The following DCP1A variants were observed in gnomAD, a reference collection of about 807,000 sequenced individuals.
DCP1A encodes decapping mRNA 1A, also known as mRNA-decapping enzyme 1A.
In DCP1A, 20 loss-of-function variants were observed where a neutral mutation model predicts 58.0. The observed-to-expected ratio is 0.34, with a 90% confidence interval of 0.24 to 0.50. The LOEUF is 0.50. DCP1A is among the 20% of genes least tolerant of loss of function. The pLI is 0.98. For synonymous variants in DCP1A, 285 were observed against 275.1 expected (o/e 1.04, Z -0.36); for missense variants, 613 against 712.2 (o/e 0.86, Z 1.59).
chr3:53,288,492 T>C (rs1706729904), intron 8 of DCP1A: 1 of 574,648 alleles, frequency 1.7e-6, no homozygotes, highest in African/African-American at 1.9e-5. Flanking sequence ...CCAGCCCATT[T>C]ATGTAAGAAT....
chr3:53,294,283 C>G (rs1181684750), intron 6 of DCP1A, among the ~76,000 whole-genome samples: 3 of 152,104 alleles, frequency 2.0e-5, no homozygotes, highest in Non-Finnish European at 4.4e-5. Context: ...AGAGTCTGGA[C>G]TAAGATACTG....
intron 6 of DCP1A, 108 bp downstream of exon 6, chr3:53,304,069 C>T (rs1434091985): frequency 3.9e-6 from 3 of 767,216 alleles, no homozygotes; most frequent in African/African-American, 3.5e-5. Context: ...TGTTGCTGCA[C>T]ATTTGAACCT....
intron 6 of DCP1A, among the ~76,000 whole-genome samples, chr3:53,301,676 C>A (rs1026324428): frequency 6.6e-6 from 1 of 152,022 alleles, no homozygotes; most frequent in African/African-American, 2.4e-5. Flanking sequence ...TTTGTAATAA[C>A]CCAAAACTGA....
chr3:53,288,062 T>C lies in DCP1A; in HGVS notation c.1668+3A>G, dbSNP rs1706710163. ...TCAAAGATAAAATTGGTATCCTACA[T>C]ACCTTTATTAGATGTATTAATGTAT... On this transcript the variant is annotated splice_donor_region_variant and intron_variant, in intron 9 of 9. Coordinates refer to ENST00000610213, the MANE Select transcript of DCP1A (RefSeq NM_018403.7). The C allele has an allele frequency of 6.2e-7, 1 of 1,609,886 alleles. No individual in the cohort carries two copies. The highest frequency in any genetic ancestry group is 1.7e-5 in the Admixed American group (1 of 59,952).
chr3:53,347,494 C>T lies in DCP1A; in HGVS notation c.24G>A (p.Gly8=). 1 of 1,612,806 alleles carries T rather than the reference C, an allele frequency of 6.2e-7. No individual in the cohort carries two copies. Among genetic ancestry groups the T allele is most frequent in the Non-Finnish European group, 8.5e-7 (1 of 1,179,220 alleles). Residue 8 remains glycine, a synonymous_variant, in exon 1 of 10, where the codon GGG becomes GGA. Coordinates refer to ENST00000610213, the MANE Select transcript of DCP1A (RefSeq NM_018403.7). ...TCAGGGCCGCTAGGCTCATCTCCTG[C>T]CCAGCTCGACTCAGCGCCTCCATCT... MEALSRA[G]QEMSLAALKQ...
At chr3:53,322,809 T>A (rs1202397343) in intron 3 of DCP1A, among the ~76,000 whole-genome samples, 1 of 150,960 alleles carries the variant, frequency 6.6e-6, no homozygotes, top group Admixed American at 6.6e-5. Context: ...TGTTTGTTTG[T>A]TTGCTTTTTT....
intron 3 of DCP1A, among the ~76,000 whole-genome samples, chr3:53,333,450 GT>G (rs1298998296): frequency 2.6e-5 from 4 of 152,016 alleles, no homozygotes; most frequent in African/African-American, 9.7e-5. Context: ...GGCCAGCAGG[GT>G]TTTTTATATG....
chr3:53,334,663 T>C (rs983891648), intron 3 of DCP1A, among the ~76,000 whole-genome samples: 10 of 152,224 alleles, frequency 6.6e-5, no homozygotes, highest in African/African-American at 2.4e-4. Flanking sequence ...AGCTTGATGG[T>C]ACCACAAGCC....
At chr3:53,315,876 C>T (rs1325970887) in intron 4 of DCP1A, among the ~76,000 whole-genome samples, 1 of 150,564 alleles carries the variant, frequency 6.6e-6, no homozygotes, top group Non-Finnish European at 1.5e-5. Context: ...GCCTCAGCCT[C>T]CTGAGTAGCT....
intron 4 of DCP1A, among the ~76,000 whole-genome samples, chr3:53,318,630 T>C (rs975932694): frequency 2.6e-5 from 4 of 152,252 alleles, no homozygotes; most frequent in East Asian, 3.9e-4. Context: ...GCAATACGGA[T>C]AGGTCACACA....
chr3:53,308,495 T>C (rs1400477459), intron 5 of DCP1A, among the ~76,000 whole-genome samples: 1 of 152,214 alleles, frequency 6.6e-6, no homozygotes, highest in African/African-American at 2.4e-5. Flanking sequence ...TCTCATTATA[T>C]GTTGACCAGG....
intron 9 of DCP1A, 88 bp downstream of exon 9, chr3:53,287,972 ATTTAC>A: frequency 7.7e-7 from 1 of 1,292,786 alleles, no homozygotes; most frequent in Non-Finnish European, 1.1e-6. Flanking sequence ...AGTCTTTTGA[ATTTAC>A]TTTATGAACT....
intron 4 of DCP1A, among the ~76,000 whole-genome samples, chr3:53,315,214 G>A (rs1707766188): frequency 2.0e-5 from 3 of 152,158 alleles, no homozygotes; most frequent in Middle Eastern, 6.8e-3. Flanking sequence ...AGTCTATGTG[G>A]CCAAACCGTC....
In DCP1A at chr3:53,284,630, G is replaced by C. The variant is rs967681815; in HGVS notation, c.*2950C>G. 1 of 145,928 alleles carries C rather than the reference G, an allele frequency of 6.9e-6. No homozygotes were observed. Among genetic ancestry groups the C allele is most frequent in the African/African-American group, 2.5e-5 (1 of 39,576 alleles). 9.0% of individuals were successfully genotyped at this position (145,928 alleles called of 1,614,324 possible). On this transcript the variant is annotated 3_prime_UTR_variant, in exon 10 of 10. Coordinates refer to ENST00000610213, the MANE Select transcript of DCP1A (RefSeq NM_018403.7). ...TGGCTCACTGCAACCTCTGCCTCCCGGGTTCAAGTGATTCTCCTGCCTCAG... is the reference window on the plus strand; with the variant it reads ...TGGCTCACTGCAACCTCTGCCTCCCCGGTTCAAGTGATTCTCCTGCCTCAG...
At position 53,304,368 on chromosome 3, in the gene DCP1A, G is replaced by A. The variant is rs1265525849; in HGVS notation, c.511-78C>T. On this transcript the variant is annotated intron_variant, in intron 5 of 9. Coordinates refer to ENST00000610213, the MANE Select transcript of DCP1A (RefSeq NM_018403.7). ...TTTGGCTCACAAAACAGCATCTGAG[G>A]TTATCAAAAATGTTATTTTTTAAAA... The A allele has an allele frequency of 4.2e-6, 4 of 954,810 alleles. No individual in the cohort carries two copies. The Admixed American group carries it at 7.2e-5, about 17-fold the overall frequency. The allele number at this position is 954,810 out of a possible 1,614,324, so 59.1% of individuals were successfully genotyped here. A position where few individuals can be genotyped will look rare whatever the true frequency, so the allele number is the denominator to read the frequency against.
chr3:53,287,747 T>C (rs1360230506), intron 9 of DCP1A, 87 bp from the exon 10 acceptor site: 7 of 936,326 alleles, frequency 7.5e-6, no homozygotes, highest in Non-Finnish European at 1.2e-5. Context: ...AGGAAAAAAA[T>C]TGTATAAATG....
intron 6 of DCP1A, among the ~76,000 whole-genome samples, chr3:53,300,440 C>A (rs1217598232): frequency 6.6e-6 from 1 of 150,838 alleles, no homozygotes; most frequent in Non-Finnish European, 1.5e-5. Context: ...CGGGTTCAAG[C>A]GATTCTCCTG....
At chr3:53,290,605 T>G (rs782279250) in intron 8 of DCP1A, 186 bp downstream of exon 8, 3 of 669,498 alleles carry the variant, frequency 4.5e-6, no homozygotes, top group Non-Finnish European at 7.9e-6. Flanking sequence ...CAGCAGAACT[T>G]AAAAATAATG....
chr3:53,315,533 T>TCA (rs1707776156), intron 4 of DCP1A, among the ~76,000 whole-genome samples: 1 of 50,176 alleles, frequency 2.0e-5, no homozygotes, highest in Non-Finnish European at 4.1e-5. Context: ...AGACTCTGTC[T>TCA]CAAAAAAAAA....
Sources: gnomAD v4.1 joint callset for allele counts (sites outside exome capture counted in the v4.1 genomes callset) on GRCh38, gnomAD v4.1.1 for gene constraint, MANE v1.5 for transcripts, NCBI Gene and HGNC (gene_info 2026-07-23, HGNC 2026-07-21) for gene names.